The following ARHGEF10 variants were observed in gnomAD, a reference collection of about 807,000 sequenced individuals.
ARHGEF10 encodes Rho guanine nucleotide exchange factor (GEF) 10.
A neutral mutation model predicts 147.4 loss-of-function variants in ARHGEF10; 140 were observed. The observed-to-expected ratio is 0.95, with a 90% CI of 0.83 to 1.09. ARHGEF10 has a LOEUF of 1.09. Ranked by LOEUF, ARHGEF10 falls within the 50% of genes least tolerant of loss-of-function variation. The pLI is 0.00. For missense variants in ARHGEF10, 2,222 were observed against 1,752.7 expected (o/e 1.27, Z -4.78); for synonymous variants, 902 against 695.8 (o/e 1.30, Z -4.67).
intron 4 of ARHGEF10, among the ~76,000 whole-genome samples, chr8:1,863,172 T>G (rs573181943): frequency 6.6e-6 from 1 of 152,294 alleles, no homozygotes; most frequent in South Asian, 2.1e-4. Flanking sequence ...CCTGGCCCTG[T>G]GTCTGCCCTG....
At chr8:1,936,363 A>G (rs1261280890) in intron 26 of ARHGEF10, among the ~76,000 whole-genome samples, 1 of 152,092 alleles carries the variant, frequency 6.6e-6, no homozygotes, top group Non-Finnish European at 1.5e-5. Flanking sequence ...AAAAATATAT[A>G]AGTTAGCTGG....
intron 4 of ARHGEF10, among the ~76,000 whole-genome samples, 167 bp from the exon 5 acceptor site, chr8:1,864,206 C>A (rs1428087679): frequency 6.6e-6 from 1 of 152,198 alleles, no homozygotes; most frequent in Non-Finnish European, 1.5e-5. Context: ...GTCTTGAATA[C>A]ATTTTATCTA....
intron 18 of ARHGEF10, among the ~76,000 whole-genome samples, chr8:1,918,505 T>TGTGTGTGTGTGTGTGTG (rs1554505892): frequency 2.0e-5 from 3 of 148,714 alleles, no homozygotes; most frequent in African/African-American, 7.5e-5. Flanking sequence ...TGTGTGTGTG[T>TGTGTGTGTGTGTGTGTG]TATTTTAAAA....
chr8:1,929,182 G>A (rs1812915517), intron 24 of ARHGEF10, 104 bp from the exon 25 acceptor site: 7 of 1,285,396 alleles, frequency 5.4e-6, no homozygotes, highest in Non-Finnish European at 7.8e-6. Context: ...GGAGAAGGAA[G>A]GGCAAGAGGG....
intron 13 of ARHGEF10, 61 bp downstream of exon 13, chr8:1,894,633 C>G: frequency 1.3e-6 from 2 of 1,574,138 alleles, no homozygotes; most frequent in Non-Finnish European, 1.7e-6. Context: ...CCTCTCTTCC[C>G]TTCTTAGGCT....
intron 28 of ARHGEF10, among the ~76,000 whole-genome samples, chr8:1,954,802 G>C (rs938825812): frequency 3.3e-5 from 5 of 152,220 alleles, no homozygotes; most frequent in Non-Finnish European, 7.3e-5. Context: ...CATTTTCCTA[G>C]CTGTCCCATG....
At chr8:1,876,524 C>A (rs375416579) in intron 7 of ARHGEF10, 47 bp from the exon 8 acceptor site, 87 of 1,580,336 alleles carry the variant, frequency 5.5e-5, no homozygotes, top group Non-Finnish European at 7.2e-5. Context: ...AAACAGCCCA[C>A]ATGGAATTCT....
intron 27 of ARHGEF10, among the ~76,000 whole-genome samples, chr8:1,951,583 CTT>C (rs1228267798): frequency 6.6e-6 from 1 of 152,196 alleles, no homozygotes; most frequent in Non-Finnish European, 1.5e-5. Context: ...TTTTCATGCT[CTT>C]TATCAGAGAT....
At chr8:1,918,459 GCTGT>G (rs747915278) in intron 18 of ARHGEF10, among the ~76,000 whole-genome samples, 2 of 104,640 alleles carry the variant, frequency 1.9e-5, no homozygotes, top group African/African-American at 8.4e-5. Flanking sequence ...ACATTTGATG[GCTGT>G]GTGTGTGTGT....
Position 1,948,873 on chromosome 8 carries a change from G to C in ARHGEF10, c.3397+3218G>C, listed in dbSNP as rs1189121896. ...GAAGTGCGCGGATGCTGAGGTCGCC[G>C]GGCCGTCACTGCTCCTGGGTTCTTC... On this transcript the variant is annotated intron_variant, in intron 27 of 28. Coordinates refer to ENST00000349830, the MANE Select transcript of ARHGEF10 (RefSeq NM_014629.4). The surrounding 1 kb of genome is among the most constrained non-coding windows in gnomAD (Gnocchi z 4.9). 1.3e-5 allele frequency among the ~76,000 whole-genome samples: 2 copies of C among 152,136 alleles called. No homozygotes were observed. The highest frequency in any genetic ancestry group is 6.6e-5 in the Admixed American group (1 of 15,258).
chr8:1,941,720 G>T (rs562449042), intron 26 of ARHGEF10, among the ~76,000 whole-genome samples: 1 of 152,142 alleles, frequency 6.6e-6, no homozygotes, highest in Non-Finnish European at 1.5e-5. Context: ...TTACCACATA[G>T]CCACAGTAAG....
At chr8:1,871,398 ACTC>A (rs1470049355) in intron 7 of ARHGEF10, among the ~76,000 whole-genome samples, 4 of 152,142 alleles carry the variant, frequency 2.6e-5, no homozygotes, top group African/African-American at 9.7e-5. Flanking sequence ...ATGATATACT[ACTC>A]TGTAACTCAT....
chr8:1,912,121 G>C (rs1811402666), intron 18 of ARHGEF10, among the ~76,000 whole-genome samples: 1 of 152,194 alleles, frequency 6.6e-6, no homozygotes, highest in African/African-American at 2.4e-5. Flanking sequence ...GTAACCACCT[G>C]AGACCAGTGA....
intron 15 of ARHGEF10, among the ~76,000 whole-genome samples, chr8:1,899,458 G>T (rs1337107470): frequency 1.3e-5 from 2 of 152,172 alleles, no homozygotes; most frequent in African/African-American, 4.8e-5. Flanking sequence ...GAAATGAACT[G>T]GCGCCTGGGA....
intron 1 of ARHGEF10, among the ~76,000 whole-genome samples, chr8:1,828,694 A>T (rs1802911771): frequency 6.7e-6 from 1 of 149,710 alleles, no homozygotes; most frequent in Non-Finnish European, 1.5e-5. Flanking sequence ...TGTTTTAAGG[A>T]ATTACATTTT....
In ARHGEF10 at chr8:1,909,237, A is replaced by G. The variant is rs1811160758; in HGVS notation, c.1968-58A>G. 9 of 1,609,472 alleles carry G rather than the reference A, an allele frequency of 5.6e-6. No individual in the cohort carries two copies. The South Asian group carries it at 7.7e-5, about 14-fold the overall frequency. On this transcript the variant is annotated intron_variant, in intron 17 of 28. Coordinates refer to ENST00000349830, the MANE Select transcript of ARHGEF10 (RefSeq NM_014629.4). ...TCACTTGAACATCTGAGGGATGAAC[A>G]TTACCATAACGTGTTCATGTAATTA... is the stretch of plus-strand genomic sequence containing the variant.
chr8:1,878,041 G>T (rs1035199332), intron 8 of ARHGEF10, among the ~76,000 whole-genome samples: 1 of 151,990 alleles, frequency 6.6e-6, no homozygotes, highest in Admixed American at 6.6e-5. Flanking sequence ...AACCTGGCTC[G>T]TGAAACTCAA....
At chr8:1,931,144 T>C (rs1467692689) in intron 25 of ARHGEF10, among the ~76,000 whole-genome samples, 1 of 152,248 alleles carries the variant, frequency 6.6e-6, no homozygotes, top group Non-Finnish European at 1.5e-5. Context: ...TGCTCCACGG[T>C]AGGCGGAGGC....
At chr8:1,853,701 T>G (rs761140867) in intron 2 of ARHGEF10, among the ~76,000 whole-genome samples, 4 of 152,188 alleles carry the variant, frequency 2.6e-5, no homozygotes, top group Non-Finnish European at 5.9e-5. Flanking sequence ...CGGGGGAGCC[T>G]CCTGGGTTGC....
Sources: allele counts gnomAD v4.1 joint callset (sites outside exome capture counted in the v4.1 genomes callset), GRCh38; gene constraint gnomAD v4.1.1; non-coding constraint Gnocchi (gnomAD v3.1); transcripts MANE v1.5; gene names NCBI Gene and HGNC (gene_info 2026-07-23, HGNC 2026-07-21).